The following NTN3 variants were observed in gnomAD, a reference collection of about 807,000 sequenced individuals.
NTN3 encodes the protein netrin-3.
Under a neutral mutation model 37.2 loss-of-function variants are expected in NTN3, and 44 were observed. That is an observed-to-expected ratio of 1.18 (90% confidence interval 0.93 to 1.52). The LOEUF is 1.52. Among genes scored for constraint, NTN3 ranks in the 40% most tolerant of loss-of-function variants. The pLI, the probability that NTN3 is intolerant of heterozygous loss-of-function variation, is 0.00. For missense variants in NTN3, 882 were observed against 857.3 expected (o/e 1.03, Z -0.36); for synonymous variants, 385 against 376.0 (o/e 1.02, Z -0.28).
In NTN3 at chr16:2,473,826, C is replaced by A; in HGVS notation, c.1464C>A (p.Leu488=). Residue 488 remains leucine, a synonymous_variant, in exon 6 of 6, where the codon CTC becomes CTA. Coordinates refer to ENST00000293973, the MANE Select transcript of NTN3 (RefSeq NM_006181.3). ...GAWTRFPVAV[L]AVFRSGEERA... ...GGACACGCTTCCCGGTGGCGGTGCT[C>A]GCCGTGTTCCGGAGCGGAGAGGAGC... The A allele has an allele frequency of 2.2e-6, 3 of 1,377,966 alleles. No individual in the cohort carries two copies. Among genetic ancestry groups the A allele is most frequent in the Middle Eastern group, 5.3e-4 (2 of 3,742 alleles). 85.4% of individuals were successfully genotyped at this position (1,377,966 alleles called of 1,614,324 possible).
In NTN3 at chr16:2,472,138, C is replaced by T. The variant is rs142537973; in HGVS notation, c.437C>T (p.Pro146Leu). ...CAGGACCATGGCCGCAGCTGGGCCCCGCTGGGCTTCTTCTCCTCCCACTGT... is the reference window on the plus strand; with the variant it reads ...CAGGACCATGGCCGCAGCTGGGCCCTGCTGGGCTTCTTCTCCTCCCACTGT... The part of the protein sequence containing the change: ...KSQDHGRSWA[P>L]LGFFSSHCDL... Residue 146 changes from proline (P) to leucine (L), a missense_variant, in exon 1 of 6, where the codon CCG becomes CTG. By Grantham distance (98) the Pro-to-Leu change is moderately conservative. Transcript: ENST00000293973. The T allele has an allele frequency of 1.5e-5, 24 of 1,608,412 alleles. No individual in the cohort carries two copies. In the African/African-American group the frequency reaches 1.7e-4, roughly 12 times the overall value.
chr16:2,473,712 A>C, intron 5 of NTN3, 44 bp from the exon 6 acceptor site: 2 of 1,415,572 alleles, frequency 1.4e-6, no homozygotes, highest in South Asian at 3.0e-5. Context: ...TACCGCGGGC[A>C]GGCCGCCCCT....
Position 2,472,471 on chromosome 16 carries a change from GCAATGGACAT to G in NTN3, c.771_780del (p.Cys257TrpfsTer13), listed in dbSNP as rs765778027. On this transcript the variant is annotated frameshift_variant, in exon 1 of 6. Coordinates refer to ENST00000293973, the MANE Select transcript of NTN3 (RefSeq NM_006181.3). LOFTEE classifies it high-confidence loss of function. ...CTCCAGGTGGGCGGGCGCTGCAAGT[GCAATGGACAT>G]GCCTCACGGTGCCTGCTGGACACAC... 7,849 of 1,611,770 alleles carry G rather than the reference GCAATGGACAT, an allele frequency of 4.9e-3. 31 individuals are homozygous for G. Among genetic ancestry groups the G allele is most frequent in the Non-Finnish European group, 6.4e-3 (7,551 of 1,179,498 alleles).
chr16:2,472,250 C>T lies in NTN3; in HGVS notation c.549C>T (p.Ala183=). ...CCCTGTGCTTCCCCGCACCCCTGGC[C>T]CAGCCTGATGGCAGCGGCCTTCTGG... ...PEALCFPAPL[A]QPDGSGLLAF... The change falls in exon 1 of 6, where the codon GCC becomes GCT. Residue 183 remains alanine (A), a synonymous_variant. Transcript: ENST00000293973. The T allele has an allele frequency of 6.2e-7, 1 of 1,610,074 alleles. No individual in the cohort carries two copies. Among genetic ancestry groups the T allele is most frequent in the Non-Finnish European group, 8.5e-7 (1 of 1,178,932 alleles).
intron 5 of NTN3, 112 bp from the exon 6 acceptor site, chr16:2,473,644 A>G (rs1567400849): frequency 1.6e-6 from 2 of 1,248,298 alleles, no homozygotes; most frequent in African/African-American, 1.5e-5. Flanking sequence ...CTCCACGGGC[A>G]GCGACCCCGC....
rs1402920339 is a variant in NTN3 at position 2,472,701 on chromosome 16, C to T, written c.929C>T (p.Ala310Val). The T allele has an allele frequency of 6.2e-7, 1 of 1,608,908 alleles. No individual in the cohort carries two copies. The highest frequency in any genetic ancestry group is 1.1e-5 in the South Asian group (1 of 91,046). ...ATARESHACL[A>V]CSCNGHARRC... is the part of the protein sequence containing the mutation. ...GCCCCTGACCCATCCCTCCCTGCAGCTTGCTCCTGCAACGGCCATGCCCGC... is the reference window on the plus strand; with the variant it reads ...GCCCCTGACCCATCCCTCCCTGCAGTTTGCTCCTGCAACGGCCATGCCCGC... Residue 310 changes from alanine (A) to valine (V), a missense_variant and splice_region_variant, in exon 2 of 6, where the codon GCT becomes GTT. By Grantham distance (64) the Ala-to-Val change is moderately conservative (BLOSUM62 0). Transcript: ENST00000293973.
rs1470312358 is a variant in NTN3, at chr16:2,472,207, C to G, written c.506C>G (p.Ala169Gly). The G allele has an allele frequency of 6.2e-7, 1 of 1,609,708 alleles. No homozygotes were observed. Among genetic ancestry groups the G allele is most frequent in the Admixed American group, 1.7e-5 (1 of 59,986 alleles). The change falls in exon 1 of 6, where the codon GCT becomes GGT. Residue 169 changes from alanine to glycine, a missense_variant. By Grantham distance (60) the Ala-to-Gly change is moderately conservative (BLOSUM62 0). Transcript: ENST00000293973. ...GRLPAPANGPAGPGPEALCFP... is the reference protein window; with the variant it reads ...GRLPAPANGPGGPGPEALCFP... ...CTGCCTGCCCCTGCCAATGGCCCAG[C>G]TGGCCCAGGGCCTGAGGCCCTGTGC...
At chr16:2,473,533 TC>T in intron 5 of NTN3, 30 bp downstream of exon 5, 1 of 1,591,226 alleles carries the variant, frequency 6.3e-7, no homozygotes, top group Non-Finnish European at 8.6e-7. Context: ...CCGCGGACCT[TC>T]CCACCTTCCT....
Position 2,472,058 on chromosome 16 carries a change from C to T in NTN3, c.357C>T (p.Phe119=), listed in dbSNP as rs774425636. The T allele has an allele frequency of 1.9e-6, 3 of 1,608,564 alleles. No homozygotes were observed. The highest frequency in any genetic ancestry group is 8.5e-7 in the Non-Finnish European group (1 of 1,178,890). ...TGGGCAAGGCTTTTGAGCTGGTCTT[C>T]GTGAGCCTGCGCTTCTGCTCAGCTC... The part of the protein sequence containing the change: ...VPLGKAFELV[F]VSLRFCSAPP... Residue 119 remains phenylalanine, a synonymous_variant, in exon 1 of 6, where the codon TTC becomes TTT. Transcript: ENST00000293973.
Position 2,473,272 on chromosome 16 carries a change from C to A in NTN3, c.1272C>A (p.Thr424=). ...SRSPVAPCVK[T]PIPGPTEDSS... is the part of the protein sequence containing the mutation. ...ATTCTCCCTCCCTCTCTGCAGAGAC[C>A]CCTATCCCTGGACCCACTGAGGACA... The change falls in exon 4 of 6, where the codon ACC becomes ACA. Residue 424 remains threonine (T), a synonymous_variant. Coordinates refer to ENST00000293973, the MANE Select transcript of NTN3 (RefSeq NM_006181.3). 3.1e-6 allele frequency: 5 copies of A among 1,612,880 alleles called. No individual in the cohort carries two copies. Among genetic ancestry groups the A allele is most frequent in the Non-Finnish European group, 4.2e-6 (5 of 1,179,968 alleles).
intron 3 of NTN3, 47 bp from the exon 4 acceptor site, chr16:2,473,221 A>C: frequency 6.2e-7 from 1 of 1,607,082 alleles, no homozygotes; most frequent in Non-Finnish European, 8.5e-7. Context: ...AGCCCTGCAG[A>C]TCTCTCTGCC....
Position 2,473,154 on chromosome 16 carries a change from C to T in NTN3, c.1267+20C>T, listed in dbSNP as rs770878535. On this transcript the variant is annotated intron_variant, in intron 3 of 5. Coordinates refer to ENST00000293973, the MANE Select transcript of NTN3 (RefSeq NM_006181.3). ...GTGTTAGTGAGTGACCCTGCCCCGC[C>T]TCAGCCACCAAGCCAAGGCCACCCC... 1.9e-6 allele frequency: 3 copies of T among 1,593,500 alleles called. No homozygotes were observed. Among genetic ancestry groups the T allele is most frequent in the East Asian group, 2.2e-5 (1 of 44,564 alleles).
In NTN3 at chr16:2,473,062, G is replaced by T; in HGVS notation, c.1195G>T (p.Val399Phe). The T allele has an allele frequency of 6.2e-7, 1 of 1,611,354 alleles. No homozygotes were observed. The change falls in exon 3 of 6, where the codon GTC becomes TTC. Residue 399 changes from valine (V) to phenylalanine (F), a missense_variant. Physicochemically the swap from Val to Phe is conservative, Grantham distance 50. Coordinates refer to ENST00000293973, the MANE Select transcript of NTN3 (RefSeq NM_006181.3). ...AGGCCAGTGTCCCTGCAAGGATGGC[G>T]TCACTGGCCTCACCTGCAACCGCTG... is the stretch of plus-strand genomic sequence containing the variant. ...TTGQCPCKDG[V>F]TGLTCNRCAP...
In NTN3 at chr16:2,473,083, C is replaced by T. The variant is rs749726306; in HGVS notation, c.1216C>T (p.Arg406Cys). The change falls in exon 3 of 6, where the codon CGC (arginine) becomes TGC (cysteine). Residue 406 changes from arginine to cysteine, a missense_variant. Arg to Cys is a radical substitution (Grantham distance 180, BLOSUM62 -3). Coordinates refer to ENST00000293973, the MANE Select transcript of NTN3 (RefSeq NM_006181.3). The part of the protein sequence containing the change: ...KDGVTGLTCN[R>C]CAPGFQQSRS... ...TGGCGTCACTGGCCTCACCTGCAAC[C>T]GCTGCGCGCCTGGCTTCCAGCAAAG... 1.1e-5 allele frequency: 17 copies of T among 1,610,542 alleles called. No homozygotes were observed. The highest frequency in any genetic ancestry group is 3.3e-5 in the South Asian group (3 of 91,048).
At position 2,472,742 on chromosome 16, in the gene NTN3, A is replaced by T; in HGVS notation, c.970A>T (p.Met324Leu). 6.2e-7 allele frequency: 1 copy of T among 1,609,058 alleles called. No homozygotes were observed. The highest frequency in any genetic ancestry group is 8.5e-7 in the Non-Finnish European group (1 of 1,179,498). Residue 324 changes from methionine to leucine, a missense_variant, in exon 2 of 6, where the codon ATG becomes TTG. Coordinates refer to ENST00000293973, the MANE Select transcript of NTN3 (RefSeq NM_006181.3). Reference sequence around the variant, plus strand: ...CCATGCCCGCCGCTGCCGCTTCAACATGGAGCTGTACCGACTGTCCGGCCG... The same window carrying T: ...CCATGCCCGCCGCTGCCGCTTCAACTTGGAGCTGTACCGACTGTCCGGCCG... ...NGHARRCRFN[M>L]ELYRLSGRRS...
In NTN3 at chr16:2,472,352, C is replaced by T. The variant is rs1020694275; in HGVS notation, c.651C>T (p.Ala217=). Residue 217 remains alanine, a synonymous_variant, in exon 1 of 6, where the codon GCC becomes GCT. Transcript: ENST00000293973. ...SSPVLQDWVT[A]TDVRVVLTRP... ...CAGTGCTCCAAGACTGGGTGACCGC[C>T]ACCGACGTCCGTGTAGTGCTCACAA... 1.2e-6 allele frequency: 2 copies of T among 1,611,952 alleles called. No individual in the cohort carries two copies. The highest frequency in any genetic ancestry group is 1.7e-5 in the Admixed American group (1 of 59,988).
intron 1 of NTN3, 21 bp downstream of exon 1, chr16:2,472,650 C>T (rs1285496644): frequency 6.2e-7 from 1 of 1,600,944 alleles, no homozygotes; most frequent in Non-Finnish European, 8.5e-7. Context: ...GGAGGGTGGC[C>T]TGGGGACCTT....
At position 2,472,430 on chromosome 16, in the gene NTN3, C is replaced by T; in HGVS notation, c.729C>T (p.Ser243=). ...ACATGGAGGCCGTCGTCCCTTACTC[C>T]TACGCAGCCACCGACCTCCAGGTGG... The part of the protein sequence containing the change: ...PRDMEAVVPY[S]YAATDLQVGG... Residue 243 remains serine, a synonymous_variant, in exon 1 of 6, where the codon TCC becomes TCT. Coordinates refer to ENST00000293973, the MANE Select transcript of NTN3 (RefSeq NM_006181.3). The T allele has an allele frequency of 1.9e-6, 3 of 1,612,496 alleles. No individual in the cohort carries two copies. Among genetic ancestry groups the T allele is most frequent in the Non-Finnish European group, 2.5e-6 (3 of 1,179,694 alleles).
chr16:2,472,365 G>A lies in NTN3; in HGVS notation c.664G>A (p.Val222Ile). The change falls in exon 1 of 6, where the codon GTA (valine) becomes ATA (isoleucine). Residue 222 changes from valine to isoleucine, a missense_variant. By Grantham distance (29) the Val-to-Ile change is conservative. Transcript: ENST00000293973. ...QDWVTATDVR[V>I]VLTRPSTAGD... Reference sequence around the variant, plus strand: ...CTGGGTGACCGCCACCGACGTCCGTGTAGTGCTCACAAGGCCTAGCACGGC... The same window carrying A: ...CTGGGTGACCGCCACCGACGTCCGTATAGTGCTCACAAGGCCTAGCACGGC... 1 of 1,612,676 alleles carries A rather than the reference G, an allele frequency of 6.2e-7. No homozygotes were observed. The highest frequency in any genetic ancestry group is 8.5e-7 in the Non-Finnish European group (1 of 1,179,794).
Sources: allele counts gnomAD v4.1 joint callset, GRCh38; gene constraint gnomAD v4.1.1; transcripts MANE v1.5; gene names NCBI Gene and HGNC (gene_info 2026-07-23, HGNC 2026-07-21).